INAVA: variants seen among roughly 807,000 people sequenced by gnomAD.
INAVA encodes the protein innate immunity activator protein.
A neutral mutation model predicts 55.3 loss-of-function variants in INAVA; 32 were observed. The ratio of observed to expected loss-of-function variants is 0.58; its 90% CI spans 0.44 to 0.78. The LOEUF (loss-of-function observed/expected upper bound fraction) is 0.78, where lower values mean the gene tolerates loss of function less well. Among genes scored for constraint, INAVA ranks in the 30% least tolerant of loss-of-function variants. The probability of loss-of-function intolerance (pLI) is 0.00; values close to 1 mark genes in which losing one functional copy is unlikely to be tolerated. For missense variants in INAVA, 756 were observed against 786.4 expected (o/e 0.96, Z 0.46); for synonymous variants, 294 against 329.4 (o/e 0.89, Z 1.16).
chr1:200,900,692 G>A (rs774529174), intron 4 of INAVA, among the ~76,000 whole-genome samples: 11 of 152,218 alleles, frequency 7.2e-5, no homozygotes, highest in Non-Finnish European at 1.3e-4. Context: ...CACCCTGCCC[G>A]GTTCAGCAGG....
Position 200,911,894 on chromosome 1 carries a change from C to T in INAVA, c.1401C>T (p.Pro467=). 1 of 1,583,612 alleles carries T rather than the reference C, an allele frequency of 6.3e-7. No homozygotes were observed. The highest frequency in any genetic ancestry group is 1.1e-5 in the South Asian group (1 of 88,790). Residue 467 remains proline, a synonymous_variant, in exon 9 of 10, where the codon CCC becomes CCT. Transcript: ENST00000413687. Reference sequence around the variant, plus strand: ...CTGCTTACGAGGAGGAGGGCACTCCCCTGCGCTACCAGCGTCTGGTGCCCT... The same window carrying T: ...CTGCTTACGAGGAGGAGGGCACTCCTCTGCGCTACCAGCGTCTGGTGCCCT... The part of the protein sequence containing the change: ...PGPAYEEEGT[P]LRYQRLVPSR...
rs542690236 is a variant in INAVA, at chr1:200,911,387, C to T, written c.960-66C>T. The T allele has an allele frequency of 2.7e-6, 4 of 1,457,360 alleles. No individual in the cohort carries two copies. In the South Asian group the frequency reaches 3.8e-5, roughly 14 times the overall value. 90.3% of individuals were successfully genotyped at this position (1,457,360 alleles called of 1,614,324 possible). A position where few individuals can be genotyped will look rare whatever the true frequency, so the allele number is the denominator to read the frequency against. ...GGACTCACCTGTTTTAACTCCACCT[C>T]CCGCCCCAACCCCAGTGTGGAGTTT... On this transcript the variant is annotated intron_variant, in intron 8 of 9. Transcript: ENST00000413687.
chr1:200,899,580 C>G lies in INAVA; in HGVS notation c.163C>G (p.Leu55Val). ...GGCCTGCCTGGAGGAGCTGAGGAGA[C>G]TCTGCCTTCGGGAAGCGGTGAGGCC... ...LEACLEELRR[L>V]CLREAELTGT... Residue 55 changes from leucine (L) to valine (V), a missense_variant, in exon 3 of 10, where the codon CTC (leucine) becomes GTC (valine). This residue lies in a region of INAVA where 639 missense variants were observed against 624.3 expected (regional missense o/e 1.02). Transcript: ENST00000413687. 6.2e-7 allele frequency: 1 copy of G among 1,612,834 alleles called. No homozygotes were observed. Among genetic ancestry groups the G allele is most frequent in the Non-Finnish European group, 8.5e-7 (1 of 1,179,704 alleles).
chr1:200,911,841 T>C lies in INAVA; in HGVS notation c.1348T>C (p.Trp450Arg), dbSNP rs1392730351. The change falls in exon 9 of 10, where the codon TGG (tryptophan) becomes CGG (arginine). Residue 450 changes from tryptophan (W) to arginine (R), a missense_variant. Trp to Arg is a moderately radical substitution (Grantham distance 101). Transcript: ENST00000413687. ...VAESPLPPGE[W>R]ELRRAAPGPA... ...TGAGAGCCCCCTGCCGCCTGGCGAG[T>C]GGGAGCTGCGCCGCGCAGCCCCGGG... is the stretch of plus-strand genomic sequence containing the variant. 3.8e-6 allele frequency: 6 copies of C among 1,599,914 alleles called. No homozygotes were observed. The highest frequency in any genetic ancestry group is 1.3e-5 in the African/African-American group (1 of 74,648).
At chr1:200,895,694 C>T (rs1668332382) in intron 1 of INAVA, among the ~76,000 whole-genome samples, 1 of 152,138 alleles carries the variant, frequency 6.6e-6, no homozygotes, top group Non-Finnish European at 1.5e-5. Flanking sequence ...TCGGCAGAGG[C>T]AGATGTGAGG....
upstream of INAVA, among the ~76,000 whole-genome samples, chr1:200,891,994 T>TG (rs1198421834): frequency 1.3e-5 from 2 of 150,934 alleles, no homozygotes; most frequent in African/African-American, 4.9e-5. Context: ...GAGGGCGCAG[T>TG]GGGGGAGGGG....
At position 200,900,989 on chromosome 1, in the gene INAVA, A is replaced by T; in HGVS notation, c.350A>T (p.Glu117Val). 1 of 1,555,440 alleles carries T rather than the reference A, an allele frequency of 6.4e-7. No individual in the cohort carries two copies. The highest frequency in any genetic ancestry group is 1.9e-5 in the Admixed American group (1 of 51,850). The change falls in exon 5 of 10, where the codon GAG becomes GTG. Residue 117 changes from glutamate (E) to valine (V), a missense_variant. Glu to Val is a moderately radical substitution (Grantham distance 121). Coordinates refer to ENST00000413687, the MANE Select transcript of INAVA (RefSeq NM_001142569.3). ...RQLALQLQITEAARRLCLEEN... is the reference protein window; with the variant it reads ...RQLALQLQITVAARRLCLEEN... ...CTGGCCCTGCAGCTGCAGATCACAG[A>T]GGCAGCCCGTCGGCTGTGCCTGGAG... is the stretch of plus-strand genomic sequence containing the variant.
Position 200,898,332 on chromosome 1 carries a change from C to T in INAVA, c.-69C>T. On this transcript the variant is annotated 5_prime_UTR_variant, in exon 2 of 10. Transcript: ENST00000413687. ...CTGGGGAAGCTCCAGGCTACCTACA[C>T]AACCTGGCCCAGGCTGGTCACGGTG... 6.2e-7 allele frequency: 1 copy of T among 1,613,206 alleles called. No homozygotes were observed. The highest frequency in any genetic ancestry group is 8.5e-7 in the Non-Finnish European group (1 of 1,179,800).
Position 200,908,951 on chromosome 1 carries a change from G to C in INAVA, c.785+11G>C. 6.2e-7 allele frequency: 1 copy of C among 1,609,882 alleles called. No homozygotes were observed. Among genetic ancestry groups the C allele is most frequent in the South Asian group, 1.1e-5 (1 of 90,610 alleles). On this transcript the variant is annotated intron_variant, in intron 7 of 9. Transcript: ENST00000413687. Reference sequence around the variant, plus strand: ...CTGGAGCGAGTCCAGGTCAGGATCAGGGGGAAGGGAGAAGGGCAGGGCAGG... The same window carrying C: ...CTGGAGCGAGTCCAGGTCAGGATCACGGGGAAGGGAGAAGGGCAGGGCAGG...
intron 1 of INAVA, among the ~76,000 whole-genome samples, chr1:200,895,749 AC>A (rs1320368800): frequency 6.6e-6 from 1 of 152,050 alleles, no homozygotes; most frequent in Admixed American, 6.6e-5. Flanking sequence ...CCTGACATTG[AC>A]CAAGAGGTCG....
At chr1:200,909,999 C>T (rs910296546) in intron 8 of INAVA, among the ~76,000 whole-genome samples, 8 of 152,150 alleles carry the variant, frequency 5.3e-5, no homozygotes, top group African/African-American at 1.9e-4. Flanking sequence ...ATGAAGCTTA[C>T]CTAGCACACA....
At position 200,911,495 on chromosome 1, in the gene INAVA, C is replaced by T. The variant is rs781379446; in HGVS notation, c.1002C>T (p.Ser334=). 4 of 1,613,580 alleles carry T rather than the reference C, an allele frequency of 2.5e-6. No individual in the cohort carries two copies. Among genetic ancestry groups the T allele is most frequent in the Non-Finnish European group, 3.4e-6 (4 of 1,179,824 alleles). ...FRAGPEGRGR[S]AFPRRRPTHY... The stretch of plus-strand genomic sequence containing the variant: ...CGGGTCCTGAGGGCCGAGGTCGCAG[C>T]GCCTTTCCCCGCCGCCGCCCCACTC... The change falls in exon 9 of 10, where the codon AGC becomes AGT. Residue 334 remains serine, a synonymous_variant. Transcript: ENST00000413687.
Position 200,915,471 on chromosome 1 carries a change from C to T in INAVA, c.*1842C>T, listed in dbSNP as rs1427083687. 2 of 149,976 alleles carry T rather than the reference C, an allele frequency of 1.3e-5. No homozygotes were observed. The highest frequency in any genetic ancestry group is 3.0e-5 in the Non-Finnish European group (2 of 67,614). 9.3% of individuals were successfully genotyped at this position (149,976 alleles called of 1,614,324 possible). A position where few individuals can be genotyped will look rare whatever the true frequency, so the allele number is the denominator to read the frequency against. ...ACCCTGCTTGGATGCTGTGCTTTTCCGGTTTGTCTCTAAGCCCCTTTCTCC... is the reference window on the plus strand; with the variant it reads ...ACCCTGCTTGGATGCTGTGCTTTTCTGGTTTGTCTCTAAGCCCCTTTCTCC... On this transcript the variant is annotated 3_prime_UTR_variant, in exon 10 of 10. Transcript: ENST00000413687.
chr1:200,913,842 A>G lies in INAVA; in HGVS notation c.*213A>G. On this transcript the variant is annotated 3_prime_UTR_variant, in exon 10 of 10. Coordinates refer to ENST00000413687, the MANE Select transcript of INAVA (RefSeq NM_001142569.3). ...TTGTCCTCAATACCCCTGTGATATG[A>G]TTATGTTTTATCCCCCAGAGTTTGG... 1.8e-6 allele frequency: 1 copy of G among 547,222 alleles called. No homozygotes were observed. Among genetic ancestry groups the G allele is most frequent in the Admixed American group, 3.3e-5 (1 of 30,132 alleles). 33.9% of individuals were successfully genotyped at this position (547,222 alleles called of 1,614,324 possible). A position where few individuals can be genotyped will look rare whatever the true frequency, so the allele number is the denominator to read the frequency against.
chr1:200,901,388 T>C (rs1407855359), intron 5 of INAVA, among the ~76,000 whole-genome samples: 2 of 152,192 alleles, frequency 1.3e-5, no homozygotes, highest in East Asian at 3.8e-4. Flanking sequence ...TCCTTCCGTA[T>C]CCTCCTCAAA....
intron 6 of INAVA, chr1:200,908,142 G>T: frequency 4.8e-6 from 2 of 412,886 alleles, no homozygotes; most frequent in South Asian, 8.2e-5. Context: ...CTCCAAGAGA[G>T]CTGATCAACC....
At chr1:200,894,355 CCTCT>C (rs1668296914), upstream of INAVA, among the ~76,000 whole-genome samples, 1 of 152,124 alleles carries the variant, frequency 6.6e-6, no homozygotes, top group Non-Finnish European at 1.5e-5. Context: ...ACAGCCTGAT[CCTCT>C]CTCTCTAGGA....
chr1:200,897,477 G>A (rs184881187), intron 1 of INAVA, among the ~76,000 whole-genome samples: 4 of 152,292 alleles, frequency 2.6e-5, no homozygotes, highest in South Asian at 2.1e-4. Context: ...GAGAGTGGGC[G>A]TCCTGGACTT....
At chr1:200,912,773 A>G (rs1653803675) in intron 9 of INAVA, among the ~76,000 whole-genome samples, 1 of 152,140 alleles carries the variant, frequency 6.6e-6, no homozygotes. Context: ...TACCTATCTC[A>G]TAGGGCTGCC....
Sources: allele counts gnomAD v4.1 joint callset (sites outside exome capture counted in the v4.1 genomes callset), GRCh38; gene constraint gnomAD v4.1.1; regional missense constraint gnomAD v4.1.1; transcripts MANE v1.5; gene names NCBI Gene and HGNC (gene_info 2026-07-23, HGNC 2026-07-21).